Variants in ARID5B observed in about 807,000 individuals in gnomAD.
The protein encoded by ARID5B is AT-rich interaction domain 5B.
Under a neutral mutation model 97.2 loss-of-function variants are expected in ARID5B, and 13 were observed. That is an observed-to-expected ratio of 0.13 (90% CI 0.09 to 0.21). The LOEUF is 0.21. Ranked by LOEUF, ARID5B falls within the 10% of genes least tolerant of loss-of-function variation. The pLI is 1.00. For synonymous variants in ARID5B, 556 were observed against 570.3 expected (o/e 0.97, Z 0.36); for missense variants, 1,210 against 1,465.3 (o/e 0.83, Z 2.84).
At position 62,057,159 on chromosome 10, in the gene ARID5B, A is replaced by G; in HGVS notation, c.889A>G (p.Asn297Asp). 6.2e-7 allele frequency: 1 copy of G among 1,613,816 alleles called. No individual in the cohort carries two copies. Reference protein sequence around the residue: ...ARSALTKPKNNHNCKKVSNEE... With the variant: ...ARSALTKPKNDHNCKKVSNEE... The stretch of plus-strand genomic sequence containing the variant: ...GTCAGCCTTGACCAAGCCGAAGAAT[A>G]ACCATAACTGTAAAAAAGTCTCAAA... The change falls in exon 6 of 10, where the codon AAC becomes GAC. Residue 297 changes from asparagine (N) to aspartate (D), a missense_variant. Asn to Asp is a conservative substitution (Grantham distance 23). This residue lies in a region of ARID5B where 132 missense variants were observed against 156.7 expected (regional missense o/e 0.84). Transcript: ENST00000279873.
chr10:62,089,191 T>C (rs1393061160), intron 9 of ARID5B, among the ~76,000 whole-genome samples: 38 of 152,164 alleles, frequency 2.5e-4, no homozygotes, highest in Non-Finnish European at 1.0e-4. Flanking sequence ...AAGAGACCAA[T>C]GTGATGATTA....
chr10:61,930,452 G>A (rs918457438), intron 2 of ARID5B, among the ~76,000 whole-genome samples: 18 of 152,194 alleles, frequency 1.2e-4, no homozygotes, highest in African/African-American at 4.1e-4. Flanking sequence ...CAGGTGCGGT[G>A]GCTCACACCT....
At chr10:62,011,005 C>A (rs1350262883) in intron 4 of ARID5B, among the ~76,000 whole-genome samples, 1 of 152,132 alleles carries the variant, frequency 6.6e-6, no homozygotes, top group Non-Finnish European at 1.5e-5. Flanking sequence ...AAAGGCTCAG[C>A]CAGTATAACA....
chr10:62,059,487 TGTC>T (rs1839895983), intron 7 of ARID5B, among the ~76,000 whole-genome samples, 192 bp downstream of exon 7: 1 of 152,182 alleles, frequency 6.6e-6, no homozygotes, highest in Non-Finnish European at 1.5e-5. Flanking sequence ...ATTGTAAACT[TGTC>T]GTAAAAACTA....
At chr10:62,075,072 G>A (rs1389775390) in intron 8 of ARID5B, among the ~76,000 whole-genome samples, 2 of 152,064 alleles carry the variant, frequency 1.3e-5, no homozygotes, top group Non-Finnish European at 2.9e-5. Flanking sequence ...GAGAAGGTCC[G>A]CTCCTACATC....
intron 4 of ARID5B, among the ~76,000 whole-genome samples, chr10:62,040,882 A>G (rs1839627862): frequency 6.6e-6 from 1 of 152,206 alleles, no homozygotes. Flanking sequence ...AGACACAGCA[A>G]TTCTAAATAG....
intron 4 of ARID5B, among the ~76,000 whole-genome samples, chr10:62,044,752 G>C (rs1417966547): frequency 2.0e-5 from 3 of 152,196 alleles, no homozygotes; most frequent in Non-Finnish European, 2.9e-5. Context: ...AACTTTTGCA[G>C]TATTGTGTTT....
intron 2 of ARID5B, among the ~76,000 whole-genome samples, chr10:61,905,089 A>G (rs1843687939): frequency 1.3e-5 from 2 of 152,192 alleles, no homozygotes. Flanking sequence ...GATTTTTATT[A>G]TTGATTTTAA....
rs900789140 is a variant in ARID5B at position 62,036,481 on chromosome 10, C to T, written c.734-14407C>T. On this transcript the variant is annotated intron_variant, in intron 4 of 9. Transcript: ENST00000279873. ...CAAGTGTTTTGCTGCTAGTACCTCA[C>T]ATTTGGGTCTGAGCAAACAGCTGGG... Among the ~76,000 whole-genome samples the T allele has an allele frequency of 7.9e-5, 12 of 152,318 alleles. No homozygotes were observed. In the East Asian group the frequency reaches 1.7e-3, roughly 22 times the overall value.
At position 62,000,137 on chromosome 10, in the gene ARID5B, G is replaced by A. The variant is rs763884275; in HGVS notation, c.549G>A (p.Gln183=). Residue 183 remains glutamine, a synonymous_variant, in exon 4 of 10, where the codon CAG becomes CAA. Transcript: ENST00000279873. The surrounding 1 kb of genome is among the most constrained non-coding windows in gnomAD (Gnocchi z 4.4). The stretch of plus-strand genomic sequence containing the variant: ...ACGTGATAGTTCTCAGCTACCCCCA[G>A]TACTGCCGGTACCGCTCGATGCTGA... The part of the protein sequence containing the change: ...ETNVIVLSYP[Q]YCRYRSMLKR... 1.2e-6 allele frequency: 2 copies of A among 1,613,896 alleles called. No homozygotes were observed. Among genetic ancestry groups the A allele is most frequent in the East Asian group, 4.5e-5 (2 of 44,872 alleles).
chr10:62,037,401 T>A (rs1362162853), intron 4 of ARID5B, among the ~76,000 whole-genome samples: 2 of 152,216 alleles, frequency 1.3e-5, no homozygotes, highest in Non-Finnish European at 2.9e-5. Context: ...TCTATGAACA[T>A]CTTAGTCCCA....
At chr10:62,090,348 C>T (rs1405199901) in intron 9 of ARID5B, among the ~76,000 whole-genome samples, 1 of 152,156 alleles carries the variant, frequency 6.6e-6, no homozygotes. Context: ...TTCAGTGCAT[C>T]ATATTGAATA....
At chr10:61,903,063 T>A (rs917602405) in intron 2 of ARID5B, among the ~76,000 whole-genome samples, 3 of 152,138 alleles carry the variant, frequency 2.0e-5, no homozygotes, top group African/African-American at 7.2e-5. Flanking sequence ...CATTAACAAC[T>A]ATCTCTCGCC....
intron 4 of ARID5B, among the ~76,000 whole-genome samples, chr10:62,041,045 A>G (rs929975684): frequency 6.6e-6 from 1 of 152,156 alleles, no homozygotes; most frequent in Non-Finnish European, 1.5e-5. Context: ...TGATCACTCT[A>G]GCTTGCCCCA....
At chr10:62,067,374 T>A (rs560082480) in intron 7 of ARID5B, among the ~76,000 whole-genome samples, 3 of 152,232 alleles carry the variant, frequency 2.0e-5, no homozygotes, top group Non-Finnish European at 2.9e-5. Context: ...TGAGCCACCA[T>A]GCCCGGCCAG....
Position 62,034,835 on chromosome 10 carries a change from CA to C in ARID5B, c.734-16052del, listed in dbSNP as rs1839541167. Among the ~76,000 whole-genome samples, 3 of 152,200 alleles carry C rather than the reference CA, an allele frequency of 2.0e-5. No individual in the cohort carries two copies. In the South Asian group the frequency reaches 6.2e-4, roughly 31 times the overall value. On this transcript the variant is annotated intron_variant, in intron 4 of 9. Coordinates refer to ENST00000279873, the MANE Select transcript of ARID5B (RefSeq NM_032199.3). ...TTGCTCAGACTTTCATCGGTAGGCA[CA>C]TTTTTTTAGGCAGCTCTGCAGAGAT... is the stretch of plus-strand genomic sequence containing the variant.
chr10:61,922,970 TG>T (rs890320318), intron 2 of ARID5B, among the ~76,000 whole-genome samples: 6 of 152,186 alleles, frequency 3.9e-5, no homozygotes, highest in South Asian at 4.1e-4. Flanking sequence ...TTCTGGCCAA[TG>T]TTTTTTTAAT....
Position 62,000,333 on chromosome 10 carries a change from T to C in ARID5B, c.733+12T>C. ...ATGCGATGAGTTTGGTGAGTCTTTTTTTTTTTTTCCTACCTGATTCTTGTG... is the reference window on the plus strand; with the variant it reads ...ATGCGATGAGTTTGGTGAGTCTTTTCTTTTTTTTCCTACCTGATTCTTGTG... On this transcript the variant is annotated intron_variant, in intron 4 of 9. Coordinates refer to ENST00000279873, the MANE Select transcript of ARID5B (RefSeq NM_032199.3). The surrounding 1 kb of genome is among the most constrained non-coding windows in gnomAD (Gnocchi z 4.4). 2 of 1,572,906 alleles carry C rather than the reference T, an allele frequency of 1.3e-6. No homozygotes were observed. The highest frequency in any genetic ancestry group is 1.9e-5 in the Admixed American group (1 of 53,910).
chr10:62,070,353 G>A (rs1213174823), intron 8 of ARID5B, among the ~76,000 whole-genome samples: 2 of 152,158 alleles, frequency 1.3e-5, no homozygotes, highest in African/African-American at 4.8e-5. Context: ...CAAACAAGAA[G>A]TAATGCAAAA....
Sources: gnomAD v4.1 joint callset for allele counts (sites outside exome capture counted in the v4.1 genomes callset) on GRCh38, gnomAD v4.1.1 for gene constraint, gnomAD v4.1.1 regional missense constraint, Gnocchi (gnomAD v3.1) non-coding constraint, MANE v1.5 for transcripts, NCBI Gene and HGNC (gene_info 2026-07-23, HGNC 2026-07-21) for gene names.